The following SNX10 variants were observed in gnomAD, a reference collection of about 807,000 sequenced individuals.
SNX10 encodes the protein sorting nexin 10.
Under a neutral mutation model 28.5 loss-of-function variants are expected in SNX10, and 25 were observed. That is an observed-to-expected ratio of 0.88 (90% CI 0.64 to 1.22). The LOEUF is 1.22. SNX10 is among the 50% of genes most tolerant of loss of function. The pLI is 0.00. For synonymous variants in SNX10, 62 were observed against 81.4 expected (o/e 0.76, Z 1.28); for missense variants, 223 against 242.6 (o/e 0.92, Z 0.54).
intron 2 of SNX10, among the ~76,000 whole-genome samples, chr7:26,350,113 G>T (rs1019738599): frequency 3.3e-5 from 5 of 152,212 alleles, no homozygotes. Context: ...GATCATGATG[G>T]CTGCATTCTA....
At chr7:26,359,891 T>A (rs1788998347) in intron 2 of SNX10, among the ~76,000 whole-genome samples, 1 of 152,050 alleles carries the variant, frequency 6.6e-6, no homozygotes, top group South Asian at 2.1e-4. Context: ...CTCTTGACCT[T>A]GTGATCTGCC....
At chr7:26,303,568 C>G (rs1786461284) in intron 1 of SNX10, among the ~76,000 whole-genome samples, 1 of 152,206 alleles carries the variant, frequency 6.6e-6, no homozygotes, top group Non-Finnish European at 1.5e-5. Flanking sequence ...CATCTGGCCA[C>G]TCTGCTCCAT....
intron 2 of SNX10, among the ~76,000 whole-genome samples, chr7:26,359,575 T>G (rs1450488765): frequency 6.6e-6 from 1 of 152,212 alleles, no homozygotes; most frequent in Admixed American, 6.5e-5. Context: ...ACTTAAAAAC[T>G]TATGTGAAAC....
At chr7:26,344,682 C>CGTGTGT (rs1053047486) in intron 1 of SNX10, among the ~76,000 whole-genome samples, 3 of 152,142 alleles carry the variant, frequency 2.0e-5, no homozygotes, top group African/African-American at 7.2e-5. Context: ...TGTACTCCAC[C>CGTGTGT]GTGTGTCCTG....
chr7:26,357,327 T>A (rs375463652), intron 2 of SNX10, among the ~76,000 whole-genome samples: 18 of 109,368 alleles, frequency 1.6e-4, no homozygotes, highest in Admixed American at 3.9e-4. Context: ...AAGAGAAGAT[T>A]AAAAAAAAAA....
At chr7:26,353,488 G>C (rs1402487161) in intron 2 of SNX10, among the ~76,000 whole-genome samples, 1 of 123,252 alleles carries the variant, frequency 8.1e-6, no homozygotes, top group Admixed American at 1.1e-4. Context: ...TTGGTCTGTC[G>C]GCCAGGCTGG....
At chr7:26,350,885 G>T (rs957297559) in intron 2 of SNX10, among the ~76,000 whole-genome samples, 2 of 152,136 alleles carry the variant, frequency 1.3e-5, no homozygotes, top group Admixed American at 1.3e-4. Context: ...TAGTGTTACA[G>T]GTACTGTGAG....
chr7:26,312,926 G>A (rs1009027505), intron 1 of SNX10, among the ~76,000 whole-genome samples: 3 of 152,092 alleles, frequency 2.0e-5, no homozygotes, highest in Non-Finnish European at 2.9e-5. Context: ...TTTTGCAAAC[G>A]GATCATGTTA....
intron 5 of SNX10, among the ~76,000 whole-genome samples, chr7:26,369,659 C>T (rs764576794): frequency 6.6e-6 from 1 of 152,202 alleles, no homozygotes; most frequent in Non-Finnish European, 1.5e-5. Flanking sequence ...CCACATCTTT[C>T]TGGCTCTTTG....
chr7:26,332,073 G>GT (rs1242015157), intron 1 of SNX10, among the ~76,000 whole-genome samples: 1 of 152,176 alleles, frequency 6.6e-6, no homozygotes, highest in Admixed American at 6.5e-5. Context: ...TCATATACAA[G>GT]TTTTTATTTC....
At position 26,316,194 on chromosome 7, in the gene SNX10, A is replaced by C. The variant is rs1033583870; in HGVS notation, c.-24+24108A>C. Among the ~76,000 whole-genome samples the C allele has an allele frequency of 1.2e-4, 19 of 152,024 alleles. No individual in the cohort carries two copies. In the East Asian group the frequency reaches 1.3e-3, roughly 11 times the overall value. Reference sequence around the variant, plus strand: ...GCGAGACTGTCTCAAAAAAAAAAAAAAAACAAAAAACCTAGAGTAAAAAAA... The same window carrying C: ...GCGAGACTGTCTCAAAAAAAAAAAACAAACAAAAAACCTAGAGTAAAAAAA... On this transcript the variant is annotated intron_variant, in intron 1 of 6. Coordinates refer to ENST00000338523, the MANE Select transcript of SNX10 (RefSeq NM_013322.3).
chr7:26,315,283 C>T (rs1270242392), intron 1 of SNX10, among the ~76,000 whole-genome samples: 3 of 152,110 alleles, frequency 2.0e-5, no homozygotes, highest in East Asian at 1.9e-4. Context: ...TTATCATATC[C>T]TGGAAATTTA....
intron 2 of SNX10, among the ~76,000 whole-genome samples, chr7:26,353,462 G>GTTA (rs1788692016): frequency 1.0e-5 from 1 of 96,572 alleles, no homozygotes; most frequent in Non-Finnish European, 2.0e-5. Context: ...TTTTTTTTTG[G>GTTA]TGGGGAGACA....
At chr7:26,344,256 T>A (rs1181520912) in intron 1 of SNX10, among the ~76,000 whole-genome samples, 1 of 151,164 alleles carries the variant, frequency 6.6e-6, no homozygotes, top group Non-Finnish European at 1.5e-5. Flanking sequence ...ACTGCAACTT[T>A]TGCTTCCCAG....
intron 1 of SNX10, among the ~76,000 whole-genome samples, chr7:26,322,316 C>G (rs1206712962): frequency 1.3e-5 from 2 of 152,100 alleles, no homozygotes; most frequent in African/African-American, 4.8e-5. Flanking sequence ...ATATGAAAGG[C>G]ATTAACACCT....
At chr7:26,301,870 T>G (rs1786380554) in intron 1 of SNX10, among the ~76,000 whole-genome samples, 1 of 152,196 alleles carries the variant, frequency 6.6e-6, no homozygotes, top group African/African-American at 2.4e-5. Flanking sequence ...GAGTTTGCTT[T>G]TAGAGTCAAA....
At chr7:26,318,110 G>A (rs1787162696) in intron 1 of SNX10, among the ~76,000 whole-genome samples, 1 of 152,166 alleles carries the variant, frequency 6.6e-6, no homozygotes, top group Non-Finnish European at 1.5e-5. Flanking sequence ...ATTTTAAGAC[G>A]CAAATGTTAG....
At chr7:26,354,047 A>G (rs1788718743) in intron 2 of SNX10, 1 of 152,170 alleles carries the variant, frequency 6.6e-6, no homozygotes, top group African/African-American at 2.4e-5. Context: ...CTAAGTAAAT[A>G]TTTTTACAGT....
At chr7:26,305,087 C>T (rs996944728) in intron 1 of SNX10, among the ~76,000 whole-genome samples, 10 of 152,178 alleles carry the variant, frequency 6.6e-5, no homozygotes, top group African/African-American at 2.4e-4. Context: ...AGAAATCCAC[C>T]ACCACTACTA....
Sources: allele counts gnomAD v4.1 joint callset (sites outside exome capture counted in the v4.1 genomes callset), GRCh38; gene constraint gnomAD v4.1.1; transcripts MANE v1.5; gene names NCBI Gene and HGNC (gene_info 2026-07-23, HGNC 2026-07-21).